The following ERBB4 variants were observed in gnomAD, a reference collection of about 807,000 sequenced individuals.
ERBB4 encodes receptor tyrosine-protein kinase erbB-4.
ERBB4 carries 42 observed loss-of-function variants against 158.0 expected under a neutral mutation model. That is an observed-to-expected ratio of 0.27 (90% CI 0.21 to 0.34). ERBB4 has a LOEUF of 0.34. Ranked by LOEUF, ERBB4 falls within the 10% of genes least tolerant of loss-of-function variation. The pLI, the probability that ERBB4 is intolerant of heterozygous loss-of-function variation, is 1.00. For missense variants in ERBB4, 1,333 were observed against 1,624.1 expected (o/e 0.82, Z 3.08); for synonymous variants, 583 against 558.7 (o/e 1.04, Z -0.61).
intron 3 of ERBB4, among the ~76,000 whole-genome samples, chr2:211,812,076 G>T (rs1412908285): frequency 6.6e-6 from 1 of 152,182 alleles, no homozygotes; most frequent in African/African-American, 2.4e-5. Flanking sequence ...TTGCTGGTGA[G>T]GAGCTGTGAT....
At chr2:212,387,430 T>C (rs1039388439) in intron 1 of ERBB4, among the ~76,000 whole-genome samples, 1 of 151,618 alleles carries the variant, frequency 6.6e-6, no homozygotes, top group Non-Finnish European at 1.5e-5. Flanking sequence ...TTTGATACAA[T>C]CTGCCTCTTG....
At chr2:211,464,626 A>G (rs1013913305) in intron 20 of ERBB4, among the ~76,000 whole-genome samples, 2 of 152,166 alleles carry the variant, frequency 1.3e-5, no homozygotes, top group African/African-American at 4.8e-5. Flanking sequence ...TGCATGTTCT[A>G]CAACTATAAA....
chr2:211,513,377 CAAA>C (rs1167274491), intron 20 of ERBB4, among the ~76,000 whole-genome samples: 13 of 55,748 alleles, frequency 2.3e-4, no homozygotes, highest in Non-Finnish European at 8.8e-5. Flanking sequence ...AAAAAAAAAA[CAAA>C]AAAAAAACAC....
intron 5 of ERBB4, among the ~76,000 whole-genome samples, chr2:211,734,408 T>C (rs1037405827): frequency 5.3e-5 from 8 of 152,036 alleles, no homozygotes; most frequent in Non-Finnish European, 8.8e-5. Context: ...TTTGTCTCTA[T>C]CAAATTTGTG....
intron 1 of ERBB4, among the ~76,000 whole-genome samples, chr2:212,250,049 T>G (rs2084474233): frequency 6.6e-6 from 1 of 152,036 alleles, no homozygotes; most frequent in Non-Finnish European, 1.5e-5. Context: ...TCATTGAACC[T>G]AAATCTAACT....
chr2:211,779,651 C>G (rs761507859), intron 4 of ERBB4: 4 of 152,132 alleles, frequency 2.6e-5, no homozygotes, highest in East Asian at 1.9e-4. Flanking sequence ...ATCTGAGAAG[C>G]CTTTGCTTCA....
chr2:212,252,385 A>T (rs1255937764), intron 1 of ERBB4, among the ~76,000 whole-genome samples: 1 of 152,070 alleles, frequency 6.6e-6, no homozygotes, highest in Non-Finnish European at 1.5e-5. Context: ...AAGTGTTTCA[A>T]AAAGAAGAGA....
At chr2:211,697,055 A>G (rs1350472634) in intron 12 of ERBB4, among the ~76,000 whole-genome samples, 1 of 152,198 alleles carries the variant, frequency 6.6e-6, no homozygotes, top group African/African-American at 2.4e-5. Context: ...CAAATCCTTA[A>G]TCGGATTTTA....
In ERBB4 at chr2:212,498,868, T is replaced by C. The variant is rs568261966; in HGVS notation, c.82+39581A>G. Among the ~76,000 whole-genome samples the C allele has an allele frequency of 7.2e-5, 11 of 152,088 alleles. No homozygotes were observed. In the South Asian group the frequency reaches 2.3e-3, roughly 32 times the overall value. On this transcript the variant is annotated intron_variant, in intron 1 of 27. Transcript: ENST00000342788. Reference sequence around the variant, plus strand: ...ATACAGGGGCAGTACATCTCTAAACTAGCTGAGCATCAGAATATTCTTGAG... The same window carrying C: ...ATACAGGGGCAGTACATCTCTAAACCAGCTGAGCATCAGAATATTCTTGAG...
intron 1 of ERBB4, among the ~76,000 whole-genome samples, chr2:212,259,652 C>T (rs994265031): frequency 1.3e-5 from 2 of 152,120 alleles, no homozygotes; most frequent in Admixed American, 1.3e-4. Context: ...AACGAATATT[C>T]CAGGATTTTT....
At chr2:211,569,927 A>G (rs988665712) in intron 19 of ERBB4, among the ~76,000 whole-genome samples, 7 of 152,220 alleles carry the variant, frequency 4.6e-5, no homozygotes, top group East Asian at 1.9e-4. Context: ...TCCAATATTA[A>G]CTATTACAAT....
intron 20 of ERBB4, among the ~76,000 whole-genome samples, chr2:211,506,190 A>G (rs917270678): frequency 3.3e-5 from 5 of 150,112 alleles, no homozygotes; most frequent in East Asian, 3.9e-4. Context: ...ATATAACAAT[A>G]AAGAGTGCAA....
chr2:211,870,750 T>G (rs969536825), intron 3 of ERBB4, among the ~76,000 whole-genome samples: 2 of 152,102 alleles, frequency 1.3e-5, no homozygotes, highest in African/African-American at 4.8e-5. Flanking sequence ...ATTATATATA[T>G]ATGTATATAT....
intron 3 of ERBB4, among the ~76,000 whole-genome samples, chr2:211,921,818 C>T (rs979972696): frequency 5.9e-5 from 9 of 151,976 alleles, no homozygotes; most frequent in Non-Finnish European, 8.8e-5. Context: ...ATGGATAATC[C>T]GTTACCTTAT....
intron 2 of ERBB4, among the ~76,000 whole-genome samples, chr2:212,115,379 AAAAT>A (rs1468846353): frequency 6.6e-6 from 1 of 152,160 alleles, no homozygotes; most frequent in Non-Finnish European, 1.5e-5. Context: ...GAGTCAGAGA[AAAAT>A]AAAGCTAATG....
At chr2:212,071,112 T>C (rs975578716) in intron 2 of ERBB4, among the ~76,000 whole-genome samples, 2 of 151,886 alleles carry the variant, frequency 1.3e-5, no homozygotes, top group African/African-American at 2.4e-5. Context: ...AGGGGGGTGT[T>C]ACAAAATAAT....
chr2:212,081,992 T>A (rs1285441837), intron 2 of ERBB4, among the ~76,000 whole-genome samples: 1 of 152,136 alleles, frequency 6.6e-6, no homozygotes, highest in African/African-American at 2.4e-5. Flanking sequence ...TATTATTGTC[T>A]AGCAAAGTTT....
chr2:211,707,414 T>C (rs1272263281), intron 9 of ERBB4, among the ~76,000 whole-genome samples: 2 of 152,158 alleles, frequency 1.3e-5, no homozygotes, highest in Admixed American at 6.6e-5. Flanking sequence ...ACGTCTACCG[T>C]GTCATTGTGT....
At chr2:212,011,563 C>A (rs1223742271) in intron 2 of ERBB4, among the ~76,000 whole-genome samples, 1 of 152,002 alleles carries the variant, frequency 6.6e-6, no homozygotes, top group Non-Finnish European at 1.5e-5. Flanking sequence ...CCAGCCTGGG[C>A]AACATGGCGA....
Sources: allele counts gnomAD v4.1 joint callset (sites outside exome capture counted in the v4.1 genomes callset), GRCh38; gene constraint gnomAD v4.1.1; transcripts MANE v1.5; gene names NCBI Gene and HGNC (gene_info 2026-07-23, HGNC 2026-07-21).